The following C4orf50 variants were observed in gnomAD, a reference collection of about 807,000 sequenced individuals.
C4orf50 encodes the protein uncharacterized protein C4orf50.
A neutral mutation model predicts 77.2 loss-of-function variants in C4orf50; 80 were observed. That is an observed-to-expected ratio of 1.04 (90% CI 0.87 to 1.25). C4orf50 has a LOEUF of 1.25. C4orf50 is among the 50% of genes most tolerant of loss of function. The pLI, the probability that C4orf50 is intolerant of heterozygous loss-of-function variation, is 0.00. For synonymous variants in C4orf50, 532 were observed against 465.3 expected, an observed-to-expected ratio of 1.14 and a Z score of -1.84; for missense variants, 1,257 against 1,152.9, an observed-to-expected ratio of 1.09 and a Z score of -1.31.
intron 7 of C4orf50, among the ~76,000 whole-genome samples, chr4:5,933,246 T>C (rs1717845618): frequency 6.6e-6 from 1 of 152,252 alleles, no homozygotes; most frequent in African/African-American, 2.4e-5. Flanking sequence ...TGCTTTTGAA[T>C]ATTAGCTTCA....
intron 7 of C4orf50, among the ~76,000 whole-genome samples, chr4:5,925,371 C>A (rs1428434495): frequency 1.3e-5 from 2 of 152,168 alleles, no homozygotes; most frequent in Non-Finnish European, 2.9e-5. Flanking sequence ...GGCAGGGAGG[C>A]ATGGGGAGCC....
chr4:6,008,347 C>T lies in C4orf50; in HGVS notation c.612G>A (p.Arg204=). The change falls in exon 25 of 34, where the codon CGG becomes CGA. Residue 204 remains arginine (R), a synonymous_variant. Coordinates refer to ENST00000531445, the Ensembl canonical transcript of C4orf50. This position sits in a 1 kb window ranked among gnomAD's most constrained non-coding sequence, Gnocchi z 6.0. ...AGAGGCGCCGCACGTTGCGCTCCAG[C>T]CGCTGCACCTGCTCCCGCAGGACGC... The T allele has an allele frequency of 2.6e-6, 1 of 390,482 alleles. No homozygotes were observed. Among genetic ancestry groups the T allele is most frequent in the Non-Finnish European group, 4.5e-6 (1 of 220,888 alleles). 24.2% of individuals were successfully genotyped at this position (390,482 alleles called of 1,614,324 possible).
At chr4:5,988,389 C>G in exon 28 of C4orf50, 1 of 1,613,876 alleles carries the variant, frequency 6.2e-7, no homozygotes, top group Non-Finnish European at 8.5e-7. Flanking sequence ...GCCCCTGAGC[C>G]ACAGAACACC....
At chr4:5,993,147 G>C (rs944650910) in intron 26 of C4orf50, among the ~76,000 whole-genome samples, 1 of 152,030 alleles carries the variant, frequency 6.6e-6, no homozygotes, top group Non-Finnish European at 1.5e-5. Context: ...GGTGGGCAGA[G>C]ACCCCAGGGC....
chr4:5,897,605 C>A (rs1188632016), exon 8 of C4orf50: 1 of 152,072 alleles, frequency 6.6e-6, no homozygotes, highest in Non-Finnish European at 1.5e-5. Context: ...GGAAAAAAAC[C>A]CTTTAATTGT....
At chr4:6,005,131 C>CT (rs1722197326) in intron 25 of C4orf50, among the ~76,000 whole-genome samples, 1 of 152,160 alleles carries the variant, frequency 6.6e-6, no homozygotes, top group Admixed American at 6.6e-5. Context: ...GCCTGCAACT[C>CT]TGAGTATGAG....
chr4:5,922,916 C>T (rs1172912996), intron 7 of C4orf50, among the ~76,000 whole-genome samples: 1 of 152,202 alleles, frequency 6.6e-6, no homozygotes, highest in Non-Finnish European at 1.5e-5. Flanking sequence ...GAGCCTAGAC[C>T]TTCACCTCAC....
chr4:6,003,959 T>C (rs1410265712), intron 25 of C4orf50, among the ~76,000 whole-genome samples: 2 of 148,232 alleles, frequency 1.3e-5, no homozygotes, highest in Non-Finnish European at 3.0e-5. Flanking sequence ...ATGGTGATGG[T>C]GATGATGTGA....
intron 25 of C4orf50, among the ~76,000 whole-genome samples, chr4:5,997,978 C>T (rs1304787330): frequency 2.6e-5 from 4 of 152,192 alleles, no homozygotes; most frequent in Non-Finnish European, 5.9e-5. Context: ...TTTTTACCAA[C>T]TATAAGCAGA....
chr4:5,914,580 A>C (rs1027964810), intron 7 of C4orf50, among the ~76,000 whole-genome samples: 36 of 152,146 alleles, frequency 2.4e-4, no homozygotes, highest in African/African-American at 8.7e-4. Context: ...CATCACTTAA[A>C]ATTAATTATC....
chr4:5,911,499 C>A, intron 7 of C4orf50, among the ~76,000 whole-genome samples: 1 of 152,196 alleles, frequency 6.6e-6, no homozygotes, highest in East Asian at 1.9e-4. Flanking sequence ...CAGAGAGGGG[C>A]CTCTCTTCAG....
intron 28 of C4orf50, among the ~76,000 whole-genome samples, chr4:5,980,710 C>A (rs888686896): frequency 5.3e-5 from 8 of 152,054 alleles, no homozygotes; most frequent in Non-Finnish European, 1.0e-4. Context: ...GGGTGGCATT[C>A]CAGAATCTGC....
At chr4:5,995,300 C>T (rs1445801510) in intron 25 of C4orf50, among the ~76,000 whole-genome samples, 1 of 152,144 alleles carries the variant, frequency 6.6e-6, no homozygotes, top group Non-Finnish European at 1.5e-5. Flanking sequence ...TTGGACCGTC[C>T]TGTCCTTCAA....
At chr4:5,988,509 G>C in exon 28 of C4orf50, 1 of 1,539,958 alleles carries the variant, frequency 6.5e-7, no homozygotes, top group Non-Finnish European at 8.7e-7. Context: ...GCGATGGAGG[G>C]GGAGAATCAG....
Position 5,959,569 on chromosome 4 carries a change from C to G in C4orf50, c.4333G>C (p.Val1445Leu), listed in dbSNP as rs138279506. 91 of 1,614,198 alleles carry G rather than the reference C, an allele frequency of 5.6e-5. No individual in the cohort carries two copies. In the African/African-American group the frequency reaches 1.1e-3, roughly 19 times the overall value. The stretch of plus-strand genomic sequence containing the variant: ...CGTTGTGCGGGGAGACCTGGTTCCA[C>G]AGTGACCGCTGCCAGGCACGTTCCA... Residue 1445 changes from valine (V) to leucine (L), a missense_variant, in exon 34 of 34, where the codon GTG becomes CTG. By Grantham distance (32) the Val-to-Leu change is conservative. Transcript: ENST00000531445.
At chr4:5,993,506 G>A (rs977678722) in intron 26 of C4orf50, among the ~76,000 whole-genome samples, 6 of 152,306 alleles carry the variant, frequency 3.9e-5, no homozygotes, top group South Asian at 4.1e-4. Flanking sequence ...TGGAAGCCAC[G>A]GCTGAGGCTG....
intron 28 of C4orf50, among the ~76,000 whole-genome samples, chr4:5,982,023 CATAAT>C (rs1440539183): frequency 6.6e-6 from 1 of 151,826 alleles, no homozygotes; most frequent in Non-Finnish European, 1.5e-5. Flanking sequence ...GGGCATCTCT[CATAAT>C]AAAATATACA....
At chr4:5,973,780 A>G (rs1720076797) in exon 31 of C4orf50, 9 of 1,613,738 alleles carry the variant, frequency 5.6e-6, no homozygotes, top group Non-Finnish European at 6.8e-6. Context: ...CAGCTCCTGC[A>G]GCAGGTGGGT....
chr4:5,964,020 G>A (rs148626643), intron 33 of C4orf50, among the ~76,000 whole-genome samples: 25 of 81,876 alleles, frequency 3.1e-4, no homozygotes, highest in African/African-American at 1.7e-3. Context: ...AACTAGAAAA[G>A]CTAGGGGGAA....
Sources: allele counts gnomAD v4.1 joint callset (sites outside exome capture counted in the v4.1 genomes callset), GRCh38; gene constraint gnomAD v4.1.1; non-coding constraint Gnocchi (gnomAD v3.1); transcripts MANE v1.5; gene names NCBI Gene and HGNC (gene_info 2026-07-23, HGNC 2026-07-21).